Variants in TNC observed in about 807,000 individuals in gnomAD.
TNC encodes tenascin C, also known as tenascin.
In TNC, 109 loss-of-function variants were observed where a neutral mutation model predicts 202.4. The observed-to-expected ratio is 0.54, with a 90% CI of 0.46 to 0.63. TNC has a LOEUF of 0.63. Ranked by LOEUF, TNC falls within the 30% of genes least tolerant of loss-of-function variation. The probability of loss-of-function intolerance (pLI) is 0.00; values close to 1 mark genes in which losing one functional copy is unlikely to be tolerated. For synonymous variants in TNC, 1,007 were observed against 1,089.7 expected, an observed-to-expected ratio of 0.92 and a Z score of 1.50; for missense variants, 2,756 against 2,833.3, an observed-to-expected ratio of 0.97 and a Z score of 0.62.
At chr9:115,057,125 C>T (rs1325839629) in intron 15 of TNC, 28 bp downstream of exon 15, 17 of 1,586,992 alleles carry the variant, frequency 1.1e-5, no homozygotes, top group East Asian at 6.7e-5. Flanking sequence ...GGAGAGAGTG[C>T]GTTAGAAATG....
chr9:115,060,682 C>G (rs915607112), intron 13 of TNC, among the ~76,000 whole-genome samples: 3 of 152,224 alleles, frequency 2.0e-5, no homozygotes, highest in African/African-American at 7.2e-5. Context: ...TATCTCATCA[C>G]TAGCCACTGG....
At position 115,086,174 on chromosome 9, in the gene TNC, C is replaced by T. The variant is rs1354334111; in HGVS notation, c.1557G>A (p.Glu519=). 6.2e-7 allele frequency: 1 copy of T among 1,614,004 alleles called. No homozygotes were observed. Among genetic ancestry groups the T allele is most frequent in the South Asian group, 1.1e-5 (1 of 91,078 alleles). ...GLCVDGQCVC[E]DGFTGPDCAE... is the part of the protein sequence containing the mutation. ...CACAGTCAGGGCCGGTGAAGCCGTC[C>T]TCACAGACGCACTGTCCGTCCACAC... Residue 519 remains glutamate (E), a synonymous_variant, in exon 3 of 28, where the codon GAG becomes GAA. Transcript: ENST00000350763.
chr9:115,063,029 G>A lies in TNC; in HGVS notation c.3921C>T (p.Ser1307=). 1.2e-6 allele frequency: 2 copies of A among 1,614,154 alleles called. No individual in the cohort carries two copies. The highest frequency in any genetic ancestry group is 1.7e-6 in the Non-Finnish European group (2 of 1,180,032). The change falls in exon 13 of 28, where the codon AGC becomes AGT. Residue 1307 remains serine (S), a synonymous_variant. Coordinates refer to ENST00000350763, the MANE Select transcript of TNC (RefSeq NM_002160.4). ...EEAHNLTVPG[S]LRSMEIPGLR... ...GGCCTGGGATTTCCATGGAACGCAG[G>A]CTGCCAGGAACCGTGAGATTGTGAG... is the stretch of plus-strand genomic sequence containing the variant.
In TNC at chr9:115,085,969, C is replaced by T; in HGVS notation, c.1762G>A (p.Asp588Asn). ...CTGGGGCAGGAGTGCTGGCCACAGT[C>T]CAGGCCTGTGAAGCCCTCGTGGCAG... is the stretch of plus-strand genomic sequence containing the variant. ...CICHEGFTGL[D>N]CGQHSCPSDC... The change falls in exon 3 of 28, where the codon GAC (aspartate) becomes AAC (asparagine). Residue 588 changes from aspartate (D) to asparagine (N), a missense_variant. Asp to Asn is a conservative substitution (Grantham distance 23, BLOSUM62 1). Around this residue, in one of 2 missense-constraint regions of TNC, gnomAD observed 2,559 missense variants for 2,546.0 expected, o/e 1.01. Transcript: ENST00000350763. The T allele has an allele frequency of 6.2e-7, 1 of 1,614,008 alleles. No individual in the cohort carries two copies. The highest frequency in any genetic ancestry group is 1.1e-5 in the South Asian group (1 of 91,038).
Position 115,091,186 on chromosome 9 carries a change from G to T in TNC, c.-136-32C>A, listed in dbSNP as rs1246284627. 8.2e-6 allele frequency: 5 copies of T among 609,820 alleles called. No homozygotes were observed. The Admixed American group carries it at 1.5e-4, about 18-fold the overall frequency. The allele number at this position is 609,820 out of a possible 1,614,324, so 37.8% of individuals were successfully genotyped here. Reference sequence around the variant, plus strand: ...GCAAAGATGAACAAAAAAATTATGAGTATCTACTATTGAATATATTGAATA... The same window carrying T: ...GCAAAGATGAACAAAAAAATTATGATTATCTACTATTGAATATATTGAATA... On this transcript the variant is annotated intron_variant, in intron 1 of 27. Transcript: ENST00000350763.
Position 115,087,184 on chromosome 9 carries a change from G to A in TNC, c.547C>T (p.Pro183Ser). Residue 183 changes from proline to serine, a missense_variant, in exon 3 of 28, where the codon CCC (proline) becomes TCC (serine). By Grantham distance (74) the Pro-to-Ser change is moderately conservative (BLOSUM62 -1). Around this residue, in one of 2 missense-constraint regions of TNC, gnomAD observed 2,559 missense variants for 2,546.0 expected, o/e 1.01. Transcript: ENST00000350763. ...GGACATTCGGGCTCAGAGCAGTTGG[G>A]GCCTTTCCAGCCAGGTTCGCAGACA... The part of the protein sequence containing the change: ...GCVCEPGWKG[P>S]NCSEPECPGN... 1.9e-6 allele frequency: 3 copies of A among 1,614,222 alleles called. No individual in the cohort carries two copies. The highest frequency in any genetic ancestry group is 2.5e-6 in the Non-Finnish European group (3 of 1,180,052).
intron 22 of TNC, 49 bp downstream of exon 22, chr9:115,035,154 CA>C (rs777933390): frequency 6.6e-7 from 1 of 1,524,588 alleles, no homozygotes; most frequent in Non-Finnish European, 8.8e-7. Context: ...CTTTGAAGAT[CA>C]TGCAAATGCT....
chr9:115,046,555 C>G lies in TNC; in HGVS notation c.4980G>C (p.Gln1660His). 6.2e-7 allele frequency: 1 copy of G among 1,614,102 alleles called. No homozygotes were observed. The highest frequency in any genetic ancestry group is 8.5e-7 in the Non-Finnish European group (1 of 1,180,004). Residue 1660 changes from glutamine (Q) to histidine (H), a missense_variant, in exon 17 of 28, where the codon CAG becomes CAC. By Grantham distance (24) the Gln-to-His change is conservative. Coordinates refer to ENST00000350763, the MANE Select transcript of TNC (RefSeq NM_002160.4). Reference protein sequence around the residue: ...FVLKIRDTKKQSEPLEITLLA... With the variant: ...FVLKIRDTKKHSEPLEITLLA... ...GTAGGGTTATTTCCAGTGGCTCAGACTGCTTTTTGGTATCTCTGATTTTGA... is the reference window on the plus strand; with the variant it reads ...GTAGGGTTATTTCCAGTGGCTCAGAGTGCTTTTTGGTATCTCTGATTTTGA...
intron 25 of TNC, 121 bp from the exon 26 acceptor site, chr9:115,026,816 C>G: frequency 4.0e-6 from 2 of 505,102 alleles, no homozygotes; most frequent in Non-Finnish European, 5.8e-6. Context: ...CCCAGTGGCT[C>G]ATGCCTGTAA....
At position 115,089,852 on chromosome 9, in the gene TNC, C is replaced by T. The variant is rs1835084030; in HGVS notation, c.457+710G>A. On this transcript the variant is annotated intron_variant, in intron 2 of 27. Transcript: ENST00000350763. ...TGCCATCTTGTGCCAGTGGGTTAATCCCCTTGAGATTCATTTCTTTGATCT... is the reference window on the plus strand; with the variant it reads ...TGCCATCTTGTGCCAGTGGGTTAATTCCCTTGAGATTCATTTCTTTGATCT... Among the ~76,000 whole-genome samples, 5 of 152,256 alleles carry T rather than the reference C, an allele frequency of 3.3e-5. No homozygotes were observed. The South Asian group carries it at 1.0e-3, about 32-fold the overall frequency.
chr9:115,063,209 T>A lies in TNC; in HGVS notation c.3761-20A>T. On this transcript the variant is annotated intron_variant, in intron 12 of 27. Coordinates refer to ENST00000350763, the MANE Select transcript of TNC (RefSeq NM_002160.4). ...CCTCCTCTGCATAAGGACACAGAGTTGCTGAGTTACTTAAAAAGGCAATTG... is the reference window on the plus strand; with the variant it reads ...CCTCCTCTGCATAAGGACACAGAGTAGCTGAGTTACTTAAAAAGGCAATTG... 1 of 1,607,260 alleles carries A rather than the reference T, an allele frequency of 6.2e-7. No homozygotes were observed. The highest frequency in any genetic ancestry group is 8.5e-7 in the Non-Finnish European group (1 of 1,174,588).
intron 1 of TNC, among the ~76,000 whole-genome samples, chr9:115,103,577 G>A (rs749773134): frequency 1.8e-4 from 28 of 152,266 alleles, no homozygotes; most frequent in African/African-American, 4.1e-4. Context: ...TGGGCAAGTC[G>A]CATCCACTCT....
intron 1 of TNC, among the ~76,000 whole-genome samples, chr9:115,101,085 A>G (rs1448764565): frequency 4.6e-5 from 7 of 152,298 alleles, no homozygotes; most frequent in Middle Eastern, 3.4e-3. Context: ...AATTCATCCA[A>G]CTATCTACTT....
chr9:115,114,549 G>A lies in TNC; in HGVS notation c.-137+3433C>T, dbSNP rs143833876. On this transcript the variant is annotated intron_variant, in intron 1 of 27. Transcript: ENST00000350763. Reference sequence around the variant, plus strand: ...CAGGCAGAGAGTTGCACCATTGAGAGCTGACCTTTGCTGAGAACCATGAAA... The same window carrying A: ...CAGGCAGAGAGTTGCACCATTGAGAACTGACCTTTGCTGAGAACCATGAAA... 1.3e-4 allele frequency among the ~76,000 whole-genome samples: 20 copies of A among 152,294 alleles called. No homozygotes were observed. In the East Asian group the frequency reaches 3.7e-3, roughly 28 times the overall value.
chr9:115,081,235 C>T (rs920824177), intron 6 of TNC, among the ~76,000 whole-genome samples: 2 of 152,152 alleles, frequency 1.3e-5, no homozygotes, highest in African/African-American at 4.8e-5. Context: ...CAACTGGGTG[C>T]TAATATTAAA....
Position 115,063,059 on chromosome 9 carries a change from T to C in TNC, c.3891A>G (p.Glu1297=). The change falls in exon 13 of 28, where the codon GAA becomes GAG. Residue 1297 remains glutamate, a synonymous_variant. Coordinates refer to ENST00000350763, the MANE Select transcript of TNC (RefSeq NM_002160.4). ...TIQVQEADQV[E]EAHNLTVPGS... ...CAGGAACCGTGAGATTGTGAGCCTCTTCCACCTGGTCAGCCTCCTGGACCT... is the reference window on the plus strand; with the variant it reads ...CAGGAACCGTGAGATTGTGAGCCTCCTCCACCTGGTCAGCCTCCTGGACCT... 1.9e-6 allele frequency: 3 copies of C among 1,614,134 alleles called. No individual in the cohort carries two copies. The highest frequency in any genetic ancestry group is 2.5e-6 in the Non-Finnish European group (3 of 1,180,006).
chr9:115,064,739 G>T lies in TNC; in HGVS notation c.3395C>A (p.Pro1132Gln), dbSNP rs769746023. The part of the protein sequence containing the change: ...VPGSLRAVDI[P>Q]GLKAATPYTV... ...ATAAGGCGTAGCAGCCTTGAGGCCC[G>T]GTATGTCCACAGCCCGAAGGCTGCC... Residue 1132 changes from proline (P) to glutamine (Q), a missense_variant, in exon 11 of 28, where the codon CCG becomes CAG. By Grantham distance (76) the Pro-to-Gln change is moderately conservative (BLOSUM62 -1). This residue lies in a region of TNC where 2,559 missense variants were observed against 2,546.0 expected (regional missense o/e 1.01). Transcript: ENST00000350763. The T allele has an allele frequency of 6.2e-7, 1 of 1,614,154 alleles. No individual in the cohort carries two copies. Among genetic ancestry groups the T allele is most frequent in the Non-Finnish European group, 8.5e-7 (1 of 1,180,024 alleles).
At position 115,059,980 on chromosome 9, in the gene TNC, A is replaced by G. The variant is rs1472662337; in HGVS notation, c.4056T>C (p.Asp1352=). 2 of 1,613,702 alleles carry G rather than the reference A, an allele frequency of 1.2e-6. No individual in the cohort carries two copies. The highest frequency in any genetic ancestry group is 1.7e-6 in the Non-Finnish European group (2 of 1,179,738). ...CCCAGCCAACCTCAGACACGGCTAA[A>G]TCTCCCAGCTGTGGGAGATCCTCTG... ...VVTEDLPQLG[D]LAVSEVGWDG... The change falls in exon 14 of 28, where the codon GAT becomes GAC. Residue 1352 remains aspartate (D), a synonymous_variant. Transcript: ENST00000350763.
intron 21 of TNC, chr9:115,035,669 A>G (rs191684964): frequency 3.7e-6 from 1 of 267,742 alleles, no homozygotes; most frequent in Non-Finnish European, 7.1e-6. Flanking sequence ...CCTGACAGAG[A>G]GGATGGTTCC....
Sources: allele counts gnomAD v4.1 joint callset (sites outside exome capture counted in the v4.1 genomes callset), GRCh38; gene constraint gnomAD v4.1.1; regional missense constraint gnomAD v4.1.1; transcripts MANE v1.5; gene names NCBI Gene and HGNC (gene_info 2026-07-23, HGNC 2026-07-21).